Variants in IMPG1 observed in about 807,000 individuals in gnomAD.
IMPG1 encodes interphotoreceptor matrix proteoglycan of 150 kDa.
Under a neutral mutation model 92.0 loss-of-function variants are expected in IMPG1, and 85 were observed. The ratio of observed to expected loss-of-function variants is 0.92; its 90% confidence interval spans 0.78 to 1.11. The LOEUF is 1.11. Ranked by LOEUF, IMPG1 falls within the 50% of genes least tolerant of loss-of-function variation. IMPG1 has a pLI of 0.00. For missense variants in IMPG1, 1,022 were observed against 956.0 expected, an observed-to-expected ratio of 1.07 and a Z score of -0.91; for synonymous variants, 367 against 334.1, an observed-to-expected ratio of 1.10 and a Z score of -1.08.
intron 12 of IMPG1, among the ~76,000 whole-genome samples, chr6:75,989,592 C>T (rs1421232045): frequency 2.0e-5 from 3 of 152,198 alleles, no homozygotes; most frequent in Admixed American, 6.5e-5. Flanking sequence ...CCTGTAATCC[C>T]AGCCCTTTGG....
At chr6:76,042,479 A>G (rs956625286) in intron 1 of IMPG1, among the ~76,000 whole-genome samples, 2 of 152,052 alleles carry the variant, frequency 1.3e-5, no homozygotes, top group Non-Finnish European at 2.9e-5. Context: ...ATATAATTCA[A>G]GCAGGGAACG....
chr6:75,996,918 G>C (rs1319711189), intron 12 of IMPG1, among the ~76,000 whole-genome samples: 2 of 152,184 alleles, frequency 1.3e-5, no homozygotes, highest in Non-Finnish European at 2.9e-5. Context: ...ATTCAAAAAG[G>C]CAGATGGAAT....
intron 7 of IMPG1, among the ~76,000 whole-genome samples, chr6:76,013,275 G>A (rs974955701): frequency 2.0e-5 from 3 of 151,918 alleles, no homozygotes; most frequent in African/African-American, 7.3e-5. Context: ...CCCACCCCCA[G>A]GTACCTTACC....
chr6:76,023,313 G>A (rs949295733), intron 5 of IMPG1, among the ~76,000 whole-genome samples: 3 of 152,190 alleles, frequency 2.0e-5, no homozygotes, highest in Non-Finnish European at 2.9e-5. Flanking sequence ...TATTACCAAT[G>A]TAAGGCACCT....
At chr6:75,990,665 T>G (rs1386901873) in intron 12 of IMPG1, among the ~76,000 whole-genome samples, 3 of 151,772 alleles carry the variant, frequency 2.0e-5, no homozygotes, top group Non-Finnish European at 4.4e-5. Flanking sequence ...TAAGGTCAGA[T>G]GGATGATGTG....
chr6:76,027,838 T>C (rs1481572102), intron 4 of IMPG1, among the ~76,000 whole-genome samples: 1 of 152,254 alleles, frequency 6.6e-6, no homozygotes, highest in South Asian at 2.1e-4. Flanking sequence ...AAATAATTTA[T>C]GGCTATCTGG....
chr6:75,956,377 C>G (rs561084030), intron 12 of IMPG1, among the ~76,000 whole-genome samples: 1 of 152,204 alleles, frequency 6.6e-6, no homozygotes, highest in South Asian at 2.1e-4. Context: ...TTCTACTTTA[C>G]TTGCGTAGAG....
chr6:75,981,166 C>G (rs936451232), intron 12 of IMPG1, among the ~76,000 whole-genome samples: 1 of 152,166 alleles, frequency 6.6e-6, no homozygotes, highest in Non-Finnish European at 1.5e-5. Flanking sequence ...CCACAGGTGT[C>G]TTTTCATTAT....
chr6:76,025,324 C>T (rs1582113068), intron 4 of IMPG1, 66 bp from the exon 5 acceptor site: 1 of 856,472 alleles, frequency 1.2e-6, no homozygotes, highest in East Asian at 2.5e-5. Flanking sequence ...AGAGAACATA[C>T]ATTTAAATTT....
intron 1 of IMPG1, among the ~76,000 whole-genome samples, chr6:76,045,441 CTTTTTTTTTT>C (rs10700038): frequency 8.2e-6 from 1 of 122,440 alleles, no homozygotes; most frequent in Non-Finnish European, 1.7e-5. Flanking sequence ...CAACCTCCAT[CTTTTTTTTTT>C]TTTTTTTTTG....
chr6:76,054,037 G>A (rs1784082585), intron 1 of IMPG1, among the ~76,000 whole-genome samples: 1 of 152,066 alleles, frequency 6.6e-6, no homozygotes, highest in Non-Finnish European at 1.5e-5. Context: ...CTTCATTTTG[G>A]GTACTTGGAG....
chr6:76,071,050 T>C (rs983108998), intron 1 of IMPG1, among the ~76,000 whole-genome samples: 1 of 151,300 alleles, frequency 6.6e-6, no homozygotes, highest in African/African-American at 2.4e-5. Flanking sequence ...ATATAACAAA[T>C]GGCAGTTTTC....
chr6:76,005,560 C>T (rs767688689), intron 9 of IMPG1, 26 bp from the exon 10 acceptor site: 6 of 1,607,324 alleles, frequency 3.7e-6, no homozygotes, highest in Middle Eastern at 1.7e-4. Flanking sequence ...GACACATTCC[C>T]CACCCAAAGC....
At chr6:76,043,006 C>G (rs543971884) in intron 1 of IMPG1, among the ~76,000 whole-genome samples, 1 of 152,022 alleles carries the variant, frequency 6.6e-6, no homozygotes, top group African/African-American at 2.4e-5. Flanking sequence ...TACTGAGGCT[C>G]AGAGTGGCAG....
chr6:75,974,487 T>C (rs1183725947), intron 12 of IMPG1, among the ~76,000 whole-genome samples: 1 of 146,172 alleles, frequency 6.8e-6, no homozygotes. Flanking sequence ...CTTTTCTTTT[T>C]TTTTTTTTGA....
chr6:75,980,336 T>C (rs1261937367), intron 12 of IMPG1, among the ~76,000 whole-genome samples: 1 of 152,238 alleles, frequency 6.6e-6, no homozygotes, highest in Non-Finnish European at 1.5e-5. Context: ...TGCAAACACA[T>C]GGAAGACAGT....
chr6:75,997,682 C>T (rs993323321), intron 12 of IMPG1, among the ~76,000 whole-genome samples: 2 of 152,110 alleles, frequency 1.3e-5, no homozygotes, highest in South Asian at 2.1e-4. Flanking sequence ...GATGATAGTA[C>T]TGATAGGCCC....
intron 11 of IMPG1, 37 bp downstream of exon 11, chr6:76,003,837 T>C (rs778049300): frequency 2.0e-6 from 3 of 1,490,798 alleles, no homozygotes; most frequent in Non-Finnish European, 2.8e-6. Flanking sequence ...TTTGAGACTT[T>C]GTTCCTAGTT....
At chr6:76,064,284 T>C (rs956302456) in intron 1 of IMPG1, among the ~76,000 whole-genome samples, 1 of 152,046 alleles carries the variant, frequency 6.6e-6, no homozygotes, top group Admixed American at 6.6e-5. Context: ...AGTGGCAGTG[T>C]TCCTGTTGCA....
Sources: gnomAD v4.1 joint callset for allele counts (sites outside exome capture counted in the v4.1 genomes callset) on GRCh38, gnomAD v4.1.1 for gene constraint, MANE v1.5 for transcripts, NCBI Gene and HGNC (gene_info 2026-07-23, HGNC 2026-07-21) for gene names.